The following NCAM2 variants were observed in gnomAD, a reference collection of about 807,000 sequenced individuals.
NCAM2 encodes neural cell adhesion molecule 2, also known as N-CAM-2.
A neutral mutation model predicts 98.1 loss-of-function variants in NCAM2; 30 were observed. The ratio of observed to expected loss-of-function variants is 0.31; its 90% CI spans 0.23 to 0.41. NCAM2 has a LOEUF of 0.41. Among genes scored for constraint, NCAM2 ranks in the 10% least tolerant of loss-of-function variants. The pLI is 1.00. For synonymous variants in NCAM2, 368 were observed against 342.4 expected, an observed-to-expected ratio of 1.07 and a Z score of -0.83; for missense variants, 867 against 1,005.8, an observed-to-expected ratio of 0.86 and a Z score of 1.87.
chr21:21,060,474 A>G lies in NCAM2; in HGVS notation c.55+61856A>G, dbSNP rs1309932344. On this transcript the variant is annotated intron_variant, in intron 1 of 17. Coordinates refer to ENST00000400546, the MANE Select transcript of NCAM2 (RefSeq NM_004540.5). ...TGGATATATGTTTAATTTTCTTTCC[A>G]TATATTTAAAATGTTGTCTTAAGCA... Among the ~76,000 whole-genome samples, 4 of 152,108 alleles carry G rather than the reference A, an allele frequency of 2.6e-5. No individual in the cohort carries two copies. In the East Asian group the frequency reaches 5.8e-4, roughly 22 times the overall value.
At chr21:21,521,583 A>G (rs1460873490) in intron 16 of NCAM2, among the ~76,000 whole-genome samples, 1 of 152,200 alleles carries the variant, frequency 6.6e-6, no homozygotes, top group African/African-American at 2.4e-5. Context: ...AAGCACAGAG[A>G]TGAAGATTCT....
At chr21:21,310,683 A>G (rs191439418) in intron 5 of NCAM2, among the ~76,000 whole-genome samples, 27 of 152,322 alleles carry the variant, frequency 1.8e-4, no homozygotes, top group Admixed American at 1.2e-3. Context: ...TTTGTTTTCA[A>G]GTTAACATAC....
rs377186814 is a variant in NCAM2 at position 21,264,961 on chromosome 21, G to A, written c.56-15617G>A. ...TGTGTGTGTATATATATGTGTATGT[G>A]TATATATACACATATATATTATATA... is the stretch of plus-strand genomic sequence containing the variant. On this transcript the variant is annotated intron_variant, in intron 1 of 17. Transcript: ENST00000400546. 2.1e-3 allele frequency among the ~76,000 whole-genome samples: 61 copies of A among 28,420 alleles called. 1 individual carries two copies. In the South Asian group the frequency reaches 0.034, roughly 16 times the overall value. The allele number at this position is 28,420 out of a possible 152,430, so 18.6% of individuals were successfully genotyped here.
chr21:21,181,497 G>A (rs151055930), intron 1 of NCAM2, among the ~76,000 whole-genome samples: 123 of 152,186 alleles, frequency 8.1e-4, no homozygotes, highest in Non-Finnish European at 1.2e-3. Context: ...TGTCGTGTGC[G>A]TTGTCAAAAA....
chr21:21,469,849 C>T (rs1984201909), intron 14 of NCAM2, among the ~76,000 whole-genome samples: 1 of 151,946 alleles, frequency 6.6e-6, no homozygotes, highest in Admixed American at 6.6e-5. Context: ...AGCTTTCATA[C>T]TCAAGTGAGG....
chr21:21,221,013 C>T (rs2070125381), intron 1 of NCAM2, among the ~76,000 whole-genome samples: 1 of 151,514 alleles, frequency 6.6e-6, no homozygotes, highest in Non-Finnish European at 1.5e-5. Context: ...GTCTCTGTGT[C>T]ATGTTTCAGT....
At chr21:21,282,473 G>T (rs956386694) in intron 2 of NCAM2, among the ~76,000 whole-genome samples, 1 of 151,582 alleles carries the variant, frequency 6.6e-6, no homozygotes, top group Non-Finnish European at 1.5e-5. Context: ...AGTACTGGAA[G>T]TAGTCTTATT....
chr21:21,215,942 A>G (rs911216057), intron 1 of NCAM2, among the ~76,000 whole-genome samples: 2 of 152,298 alleles, frequency 1.3e-5, no homozygotes, highest in Middle Eastern at 6.8e-3. Flanking sequence ...AAAATTTAAT[A>G]TGAGCTGAAT....
intron 1 of NCAM2, among the ~76,000 whole-genome samples, chr21:21,244,568 G>T (rs2071189231): frequency 6.6e-6 from 1 of 152,058 alleles, no homozygotes. Context: ...TAAAAAACAG[G>T]CCGAGTGCGG....
intron 15 of NCAM2, among the ~76,000 whole-genome samples, chr21:21,485,720 ACAT>A (rs1203539805): frequency 1.3e-5 from 2 of 152,208 alleles, no homozygotes; most frequent in African/African-American, 4.8e-5. Flanking sequence ...AACCAGATGT[ACAT>A]ATATGCATAA....
chr21:21,002,414 G>A (rs1315818505), intron 1 of NCAM2, among the ~76,000 whole-genome samples: 2 of 152,094 alleles, frequency 1.3e-5, no homozygotes, highest in Non-Finnish European at 2.9e-5. Flanking sequence ...TTTGTAAATA[G>A]AATGGCCTTC....
At chr21:21,200,232 A>G (rs1042473925) in intron 1 of NCAM2, among the ~76,000 whole-genome samples, 5 of 152,060 alleles carry the variant, frequency 3.3e-5, no homozygotes, top group African/African-American at 1.2e-4. Flanking sequence ...ATAGATAGAA[A>G]TGCACTTTGA....
At chr21:21,287,708 T>A (rs915269302) in intron 4 of NCAM2, among the ~76,000 whole-genome samples, 1 of 151,944 alleles carries the variant, frequency 6.6e-6, no homozygotes, top group African/African-American at 2.4e-5. Context: ...AAGCAAAGAC[T>A]GATGACAACG....
At chr21:21,368,571 T>G (rs2148027082) in intron 8 of NCAM2, among the ~76,000 whole-genome samples, 1 of 152,032 alleles carries the variant, frequency 6.6e-6, no homozygotes, top group South Asian at 2.1e-4. Flanking sequence ...AGGATGGATT[T>G]GAGGTGTGCT....
Position 21,541,325 on chromosome 21 carries a change from TAC to T in NCAM2, c.*3370_*3371del, listed in dbSNP as rs1215774716. The T allele has an allele frequency of 6.6e-6, 1 of 151,746 alleles. No individual in the cohort carries two copies. The highest frequency in any genetic ancestry group is 1.5e-5 in the Non-Finnish European group (1 of 67,758). 9.4% of individuals were successfully genotyped at this position (151,746 alleles called of 1,614,324 possible). On this transcript the variant is annotated 3_prime_UTR_variant, in exon 18 of 18. Transcript: ENST00000400546. The stretch of plus-strand genomic sequence containing the variant: ...GATACTCAAATGATGCTGTCTTATT[TAC>T]AGTCAGTAATTAAGTTCAATTCAAA...
chr21:21,150,432 A>T (rs2067413905), intron 1 of NCAM2, among the ~76,000 whole-genome samples: 1 of 152,176 alleles, frequency 6.6e-6, no homozygotes, highest in South Asian at 2.1e-4. Context: ...TTTCAGGGAG[A>T]AAATATGCAA....
chr21:21,226,290 T>A (rs558245217), intron 1 of NCAM2, among the ~76,000 whole-genome samples: 1 of 151,948 alleles, frequency 6.6e-6, no homozygotes, highest in Admixed American at 6.6e-5. Context: ...CCTGCACATA[T>A]ACCCCCAAAT....
chr21:21,451,165 G>A (rs118041210), intron 12 of NCAM2, among the ~76,000 whole-genome samples: 1,858 of 152,112 alleles, frequency 0.012, 15 homozygotes, highest in Middle Eastern at 0.027. Context: ...CCTGTTTACC[G>A]TTCATTTGGC....
At chr21:21,246,662 T>C (rs868229987) in intron 1 of NCAM2, among the ~76,000 whole-genome samples, 3 of 152,194 alleles carry the variant, frequency 2.0e-5, no homozygotes, top group Admixed American at 6.5e-5. Flanking sequence ...AGTTTCTAGA[T>C]ATTCTTAATA....
Sources: gnomAD v4.1 joint callset for allele counts (sites outside exome capture counted in the v4.1 genomes callset) on GRCh38, gnomAD v4.1.1 for gene constraint, MANE v1.5 for transcripts, NCBI Gene and HGNC (gene_info 2026-07-23, HGNC 2026-07-21) for gene names.